Variants in VPS13B observed in about 807,000 individuals in gnomAD.
VPS13B encodes the protein vacuolar protein sorting 13 homolog B.
Under a neutral mutation model 426.4 loss-of-function variants are expected in VPS13B, and 285 were observed. The observed-to-expected ratio is 0.67, with a 90% CI of 0.61 to 0.74. The LOEUF (loss-of-function observed/expected upper bound fraction) is 0.74. Among genes scored for constraint, VPS13B ranks in the 30% least tolerant of loss-of-function variants. The pLI, the probability that VPS13B is intolerant of heterozygous loss-of-function variation, is 0.00. For synonymous variants in VPS13B, 1,676 were observed against 1,676.4 expected, an observed-to-expected ratio of 1.00 and a Z score of 0.01; for missense variants, 4,537 against 4,782.6, an observed-to-expected ratio of 0.95 and a Z score of 1.51.
chr8:99,842,118 A>G (rs943936933), intron 54 of VPS13B, among the ~76,000 whole-genome samples: 1 of 152,218 alleles, frequency 6.6e-6, no homozygotes, highest in Non-Finnish European at 1.5e-5. Flanking sequence ...TACAAACCAC[A>G]TATATAGAGA....
At chr8:99,156,161 A>G (rs893890007) in intron 14 of VPS13B, among the ~76,000 whole-genome samples, 2 of 152,196 alleles carry the variant, frequency 1.3e-5, no homozygotes, top group African/African-American at 2.4e-5. Context: ...AGTCAGCTAA[A>G]TGTGAATAAA....
intron 43 of VPS13B, among the ~76,000 whole-genome samples, chr8:99,786,425 A>G (rs753940078): frequency 6.6e-5 from 10 of 151,922 alleles, no homozygotes; most frequent in Non-Finnish European, 1.0e-4. Context: ...ATGTTGTCTC[A>G]CTCCCCTAGG....
chr8:99,062,925 A>C (rs1379586273), intron 3 of VPS13B, among the ~76,000 whole-genome samples: 1 of 152,236 alleles, frequency 6.6e-6, no homozygotes, highest in Non-Finnish European at 1.5e-5. Context: ...TGCAACTACA[A>C]AATAAAGTAT....
At chr8:99,360,529 G>A (rs1249485385) in intron 19 of VPS13B, among the ~76,000 whole-genome samples, 3 of 151,632 alleles carry the variant, frequency 2.0e-5, no homozygotes, top group African/African-American at 4.9e-5. Flanking sequence ...CGCCCGTCTC[G>A]GCCTCCTAAA....
intron 39 of VPS13B, among the ~76,000 whole-genome samples, chr8:99,735,762 G>C (rs1833798818): frequency 6.6e-6 from 1 of 152,202 alleles, no homozygotes; most frequent in African/African-American, 2.4e-5. Flanking sequence ...ACAGTGTCAG[G>C]AAAGCCCAGG....
intron 34 of VPS13B, among the ~76,000 whole-genome samples, chr8:99,650,514 A>G (rs549772582): frequency 6.6e-6 from 1 of 152,326 alleles, no homozygotes; most frequent in South Asian, 2.1e-4. Flanking sequence ...CATAGGGAAC[A>G]TGTTTCAAGA....
intron 33 of VPS13B, among the ~76,000 whole-genome samples, chr8:99,605,460 TC>T (rs1335178103): frequency 6.6e-6 from 1 of 152,156 alleles, no homozygotes; most frequent in Non-Finnish European, 1.5e-5. Flanking sequence ...ATAACTCTAA[TC>T]CTAGATATAA....
chr8:99,170,813 A>C (rs892738289), intron 16 of VPS13B, among the ~76,000 whole-genome samples: 1 of 151,584 alleles, frequency 6.6e-6, no homozygotes, highest in African/African-American at 2.4e-5. Context: ...AAATATATGA[A>C]ATTAATTTTT....
chr8:99,232,963 A>T, intron 17 of VPS13B: 1 of 666,966 alleles, frequency 1.5e-6, no homozygotes, highest in South Asian at 1.9e-5. Flanking sequence ...TTTGCTTCCG[A>T]TCTGGCTGGC....
chr8:99,551,948 T>C (rs1021540321), intron 30 of VPS13B, among the ~76,000 whole-genome samples: 1 of 152,026 alleles, frequency 6.6e-6, no homozygotes, highest in African/African-American at 2.4e-5. Flanking sequence ...AGACATTATC[T>C]CTTCAAATAT....
intron 21 of VPS13B, among the ~76,000 whole-genome samples, chr8:99,423,429 T>TG (rs1474658259): frequency 2.1e-4 from 31 of 148,962 alleles, no homozygotes; most frequent in African/African-American, 5.5e-4. Context: ...GCTAATTTTT[T>TG]TTTTTTTTTT....
chr8:99,739,784 A>G (rs1048794678), intron 39 of VPS13B, among the ~76,000 whole-genome samples: 7 of 152,220 alleles, frequency 4.6e-5, no homozygotes, highest in Non-Finnish European at 8.8e-5. Flanking sequence ...AGGAAAACTA[A>G]CAAACAGAAA....
intron 30 of VPS13B, among the ~76,000 whole-genome samples, chr8:99,525,881 GAAGT>G (rs1822613172): frequency 6.6e-6 from 1 of 152,194 alleles, no homozygotes; most frequent in Non-Finnish European, 1.5e-5. Context: ...GAAGCAGGAA[GAAGT>G]AAGAGAAGCC....
At chr8:99,498,497 T>G (rs910452669) in intron 25 of VPS13B, among the ~76,000 whole-genome samples, 1 of 151,954 alleles carries the variant, frequency 6.6e-6, no homozygotes, top group Non-Finnish European at 1.5e-5. Flanking sequence ...AACCTGCATG[T>G]TGTGCACAAG....
intron 52 of VPS13B, 49 bp downstream of exon 52, chr8:99,832,701 G>A (rs750357165): frequency 3.1e-5 from 49 of 1,593,654 alleles, no homozygotes; most frequent in Middle Eastern, 2.2e-4. Flanking sequence ...TGTCAGTCTA[G>A]CTGTTCATCT....
chr8:99,190,516 C>T (rs560408200), intron 16 of VPS13B, among the ~76,000 whole-genome samples: 6 of 151,856 alleles, frequency 4.0e-5, no homozygotes, highest in East Asian at 1.9e-4. Context: ...AGATTCATTC[C>T]GTTTCATCCT....
At position 99,861,921 on chromosome 8, in the gene VPS13B, G is replaced by C. The variant is rs1305236926; in HGVS notation, c.11190G>C (p.Leu3730=). ...ESLGEGLRQG[L]SRLGISLLGA... ...TGGGCGAGGGGCTTCGACAGGGCCT[G>C]TCCCGGCTGGGCATCAGCCTGCTTG... The change falls in exon 58 of 62, where the codon CTG becomes CTC. Residue 3730 remains leucine, a synonymous_variant. Coordinates refer to ENST00000357162, the MANE Select transcript of VPS13B (RefSeq NM_152564.5). 1 of 1,596,210 alleles carries C rather than the reference G, an allele frequency of 6.3e-7. No homozygotes were observed. Among genetic ancestry groups the C allele is most frequent in the East Asian group, 2.3e-5 (1 of 44,162 alleles).
intron 56 of VPS13B, among the ~76,000 whole-genome samples, chr8:99,856,084 A>G (rs1816529031): frequency 1.3e-5 from 2 of 152,252 alleles, no homozygotes; most frequent in Admixed American, 6.5e-5. Flanking sequence ...TACCTGTGGC[A>G]CCAAGTAACG....
At chr8:99,842,248 G>A (rs1358911278) in intron 54 of VPS13B, among the ~76,000 whole-genome samples, 4 of 152,114 alleles carry the variant, frequency 2.6e-5, no homozygotes, top group Non-Finnish European at 5.9e-5. Flanking sequence ...CATATTTTCA[G>A]ATCAGTTTAG....
Sources: gnomAD v4.1 joint callset for allele counts (sites outside exome capture counted in the v4.1 genomes callset) on GRCh38, gnomAD v4.1.1 for gene constraint, MANE v1.5 for transcripts, NCBI Gene and HGNC (gene_info 2026-07-23, HGNC 2026-07-21) for gene names.